ZBTB40: variants seen among roughly 807,000 people sequenced by gnomAD.
The protein encoded by ZBTB40 is zinc finger and BTB domain containing 40.
Under a neutral mutation model 117.5 loss-of-function variants are expected in ZBTB40, and 60 were observed. The ratio of observed to expected loss-of-function variants is 0.51; its 90% CI spans 0.41 to 0.63. ZBTB40 has a LOEUF of 0.63. Ranked by LOEUF, ZBTB40 falls within the 30% of genes least tolerant of loss-of-function variation. The pLI is 0.00. For missense variants in ZBTB40, 1,287 were observed against 1,498.5 expected (o/e 0.86, Z 2.33); for synonymous variants, 525 against 577.1 (o/e 0.91, Z 1.29).
intron 8 of ZBTB40, 71 bp from the exon 9 acceptor site, chr1:22,509,029 T>G: frequency 6.2e-7 from 1 of 1,612,232 alleles, no homozygotes; most frequent in Non-Finnish European, 8.5e-7. Flanking sequence ...AAGAGTTGAG[T>G]GGAGGAAGGG....
intron 1 of ZBTB40, among the ~76,000 whole-genome samples, chr1:22,474,566 G>A (rs550900163): frequency 3.9e-5 from 6 of 152,150 alleles, no homozygotes; most frequent in African/African-American, 1.2e-4. Flanking sequence ...ATCTTTTTGT[G>A]TGTAGCAAAC....
intron 1 of ZBTB40, among the ~76,000 whole-genome samples, chr1:22,474,932 A>G (rs1641518128): frequency 8.6e-6 from 1 of 115,950 alleles, no homozygotes; most frequent in African/African-American, 3.7e-5. Context: ...AGGGATTACC[A>G]GTACCAACAA....
chr1:22,480,059 C>A (rs77061951), intron 1 of ZBTB40, among the ~76,000 whole-genome samples: 6 of 152,046 alleles, frequency 3.9e-5, no homozygotes, highest in Middle Eastern at 3.2e-3. Context: ...GGCACCCCCC[C>A]ACCACGCCAG....
At chr1:22,502,002 G>T (rs1638949546) in intron 4 of ZBTB40, among the ~76,000 whole-genome samples, 1 of 152,190 alleles carries the variant, frequency 6.6e-6, no homozygotes, top group African/African-American at 2.4e-5. Context: ...GCACTTTAAG[G>T]CTGAAGTTTC....
At chr1:22,498,788 A>G (rs74805396) in intron 3 of ZBTB40, among the ~76,000 whole-genome samples, 2 of 13,778 alleles carry the variant, frequency 1.5e-4, no homozygotes, top group Non-Finnish European at 2.0e-4. Flanking sequence ...TTTCAGGTGG[A>G]AAAAAAAAAA....
Position 22,433,438 on chromosome 1 carries a change from A to ACAAAAACAAAAACAAAAAC in ZBTB40, c.-70+4424_-70+4425insCAAAAACAAAAACAAAAAC, listed in dbSNP as rs1225536166. Among the ~76,000 whole-genome samples, 323 of 129,116 alleles carry ACAAAAACAAAAACAAAAAC rather than the reference A, an allele frequency of 2.5e-3. 8 individuals are homozygous for ACAAAAACAAAAACAAAAAC. The highest frequency in any genetic ancestry group is 7.8e-3 in the Middle Eastern group (2 of 256). 84.7% of individuals were successfully genotyped at this position (129,116 alleles called of 152,430 possible). A position where few individuals can be genotyped will look rare whatever the true frequency, so the allele number is the denominator to read the frequency against. The stretch of plus-strand genomic sequence containing the variant: ...ACAGAGCAAGACGCCCTCTCAAAAA[A>ACAAAAACAAAAACAAAAAC]AAAAAAAAAAAAAAAAAAAGACAGC... On this transcript the variant is annotated intron_variant, in intron 1 of 8. Coordinates refer to the ZBTB40 transcript ENST00000650433.
intron 1 of ZBTB40, among the ~76,000 whole-genome samples, chr1:22,433,997 T>G (rs1640637193): frequency 6.6e-6 from 1 of 152,112 alleles, no homozygotes; most frequent in Non-Finnish European, 1.5e-5. Context: ...GTGCAATTAT[T>G]GGGTCACTGG....
intron 13 of ZBTB40, 199 bp downstream of exon 13, chr1:22,517,663 T>C (rs1020500021): frequency 9.2e-6 from 6 of 649,744 alleles, no homozygotes; most frequent in Non-Finnish European, 1.5e-5. Context: ...ATAACGCTTA[T>C]TTCTCTCTGG....
At chr1:22,438,417 ATCAG>A (rs1385139381) in intron 1 of ZBTB40, among the ~76,000 whole-genome samples, 1 of 152,202 alleles carries the variant, frequency 6.6e-6, no homozygotes, top group Non-Finnish European at 1.5e-5. Context: ...CTATCTATTC[ATCAG>A]TCAATGGACA....
chr1:22,437,370 C>CT (rs547016752), intron 1 of ZBTB40, among the ~76,000 whole-genome samples: 31 of 147,516 alleles, frequency 2.1e-4, no homozygotes, highest in Admixed American at 4.1e-4. Flanking sequence ...AGTGCACATA[C>CT]TTTTTTTTTT....
intron 1 of ZBTB40, among the ~76,000 whole-genome samples, chr1:22,471,912 A>T (rs1444624506): frequency 6.6e-6 from 1 of 152,202 alleles, no homozygotes; most frequent in Non-Finnish European, 1.5e-5. Context: ...GGGCTGTGGG[A>T]AGCAGCCTTT....
intron 1 of ZBTB40, among the ~76,000 whole-genome samples, chr1:22,456,016 A>C (rs1214152677): frequency 6.6e-6 from 1 of 152,020 alleles, no homozygotes; most frequent in Non-Finnish European, 1.5e-5. Flanking sequence ...GCCTCTTTCA[A>C]CTCTTCAGCA....
chr1:22,475,152 A>AC (rs1332717231), intron 1 of ZBTB40, among the ~76,000 whole-genome samples: 1 of 152,096 alleles, frequency 6.6e-6, no homozygotes, highest in Non-Finnish European at 1.5e-5. Context: ...TGCTTCATGA[A>AC]CCTCAAACTG....
At chr1:22,476,197 A>G (rs771404563) in intron 1 of ZBTB40, among the ~76,000 whole-genome samples, 2 of 151,992 alleles carry the variant, frequency 1.3e-5, no homozygotes, top group South Asian at 4.2e-4. Context: ...TCTCCTGTGT[A>G]TGACTGTTGT....
chr1:22,464,165 G>C (rs1436450332), intron 1 of ZBTB40, among the ~76,000 whole-genome samples: 1 of 152,222 alleles, frequency 6.6e-6, no homozygotes, highest in Non-Finnish European at 1.5e-5. Context: ...ATTACTATCT[G>C]CATTTTGTAG....
chr1:22,510,813 C>T (rs1446253167), intron 9 of ZBTB40, among the ~76,000 whole-genome samples: 1 of 152,214 alleles, frequency 6.6e-6, no homozygotes, highest in Non-Finnish European at 1.5e-5. Flanking sequence ...AAGACAGACA[C>T]ACCGACGACC....
In ZBTB40 at chr1:22,513,234, A is replaced by G. The variant is rs1569874109; in HGVS notation, c.2668+104A>G. The G allele has an allele frequency of 4.0e-6, 5 of 1,250,276 alleles. No homozygotes were observed. Among genetic ancestry groups the G allele is most frequent in the Non-Finnish European group, 5.7e-6 (5 of 882,078 alleles). 77.4% of individuals were successfully genotyped at this position (1,250,276 alleles called of 1,614,324 possible). On this transcript the variant is annotated intron_variant, in intron 12 of 17. Transcript: ENST00000375647. The surrounding 1 kb of genome is among the most constrained non-coding windows in gnomAD (Gnocchi z 4.9). ...TATATCTCAAAAACAAAACAATTTG[A>G]TAGCACAACAGGGTGACTAAAGTCA...
intron 1 of ZBTB40, among the ~76,000 whole-genome samples, chr1:22,489,074 A>C (rs1638551831): frequency 6.6e-6 from 1 of 152,222 alleles, no homozygotes; most frequent in Non-Finnish European, 1.5e-5. Context: ...GGAAAGTGGC[A>C]GGAGAGTTTT....
At chr1:22,523,456 AGAG>A (rs1177736129) in intron 16 of ZBTB40, among the ~76,000 whole-genome samples, 5 of 152,366 alleles carry the variant, frequency 3.3e-5, no homozygotes, top group Admixed American at 1.3e-4. Context: ...CCAGCTTCTC[AGAG>A]TAGTGTTCAA....
Sources: gnomAD v4.1 joint callset for allele counts (sites outside exome capture counted in the v4.1 genomes callset) on GRCh38, gnomAD v4.1.1 for gene constraint, Gnocchi (gnomAD v3.1) non-coding constraint, MANE v1.5 for transcripts, NCBI Gene and HGNC (gene_info 2026-07-23, HGNC 2026-07-21) for gene names.